The following CNTNAP5 variants were observed in gnomAD, a reference collection of about 807,000 sequenced individuals.
The protein encoded by CNTNAP5 is contactin-associated protein-like 5.
CNTNAP5 carries 72 observed loss-of-function variants against 150.2 expected under a neutral mutation model. The ratio of observed to expected loss-of-function variants is 0.48; its 90% CI spans 0.40 to 0.58. The LOEUF is 0.58. CNTNAP5 is among the 20% of genes least tolerant of loss of function. The probability of loss-of-function intolerance (pLI) is 0.00; values close to 1 mark genes in which losing one functional copy is unlikely to be tolerated. For synonymous variants in CNTNAP5, 672 were observed against 619.8 expected (o/e 1.08, Z -1.25); for missense variants, 1,636 against 1,626.2 (o/e 1.01, Z -0.10).
chr2:124,781,677 G>A lies in CNTNAP5; in HGVS notation c.2753-8225G>A, dbSNP rs556837227. ...CAACGTGGACACTGCATTCCCCGCC[G>A]CCATCTACACTGCACTGGAGCCCTG... On this transcript the variant is annotated intron_variant, in intron 17 of 23. Transcript: ENST00000682447. Among the ~76,000 whole-genome samples, 33 of 152,174 alleles carry A rather than the reference G, an allele frequency of 2.2e-4. 1 individual carries two copies. The highest frequency in any genetic ancestry group is 8.3e-4 in the South Asian group (4 of 4,814).
intron 10 of CNTNAP5, among the ~76,000 whole-genome samples, chr2:124,553,291 G>T (rs1016785693): frequency 2.0e-4 from 30 of 152,222 alleles, no homozygotes; most frequent in Admixed American, 1.8e-3. Context: ...ATCTCCTGAG[G>T]TCAGGAGTTC....
intron 7 of CNTNAP5, among the ~76,000 whole-genome samples, chr2:124,494,303 C>T (rs775182668): frequency 6.6e-6 from 1 of 152,018 alleles, no homozygotes; most frequent in African/African-American, 2.4e-5. Context: ...GGGTGGGGTG[C>T]ACCAGTGTAA....
rs1696620306 is a variant in CNTNAP5, at chr2:124,589,097, C to G, written c.1757-20704C>G. On this transcript the variant is annotated intron_variant, in intron 11 of 23. Transcript: ENST00000682447. ...GTACAGGTTAGTGGTTTGTAGCATACTCACCTGGCTGTGCAAGCCTTCTTC... is the reference window on the plus strand; with the variant it reads ...GTACAGGTTAGTGGTTTGTAGCATAGTCACCTGGCTGTGCAAGCCTTCTTC... 2.6e-5 allele frequency among the ~76,000 whole-genome samples: 4 copies of G among 152,136 alleles called. 1 individual carries two copies. The highest frequency in any genetic ancestry group is 9.7e-5 in the African/African-American group (4 of 41,428).
intron 1 of CNTNAP5, among the ~76,000 whole-genome samples, chr2:124,108,626 A>T (rs566631778): frequency 1.3e-5 from 2 of 152,318 alleles, no homozygotes; most frequent in South Asian, 4.1e-4. Context: ...TTAGAAGTAT[A>T]TGGGAAGCTT....
At chr2:124,881,269 C>T (rs17012123) in intron 21 of CNTNAP5, among the ~76,000 whole-genome samples, 14,239 of 151,918 alleles carry the variant, frequency 0.094, 2,129 homozygotes, top group African/African-American at 0.32. Context: ...CCTTTGGATA[C>T]GAAAGAGATA....
chr2:124,704,330 T>G (rs2105093462), intron 13 of CNTNAP5, among the ~76,000 whole-genome samples: 1 of 152,278 alleles, frequency 6.6e-6, no homozygotes, highest in East Asian at 1.9e-4. Flanking sequence ...CATTAACACC[T>G]AAGTGAAGTG....
chr2:124,156,641 A>C (rs1684555720), intron 1 of CNTNAP5, among the ~76,000 whole-genome samples: 1 of 152,016 alleles, frequency 6.6e-6, no homozygotes. Flanking sequence ...GACTACAAAC[A>C]TGCGCCACCA....
chr2:124,105,774 T>C (rs1249659072), intron 1 of CNTNAP5, among the ~76,000 whole-genome samples: 3 of 152,184 alleles, frequency 2.0e-5, no homozygotes, highest in South Asian at 4.1e-4. Flanking sequence ...TTCTGGCTTT[T>C]ATATTGATTT....
chr2:124,414,128 T>C (rs964439374), intron 3 of CNTNAP5, among the ~76,000 whole-genome samples: 1 of 151,610 alleles, frequency 6.6e-6, no homozygotes, highest in Non-Finnish European at 1.5e-5. Flanking sequence ...CCTTTTTTTT[T>C]TTTTTTTCTG....
chr2:124,459,931 C>T (rs1250875275), intron 6 of CNTNAP5, among the ~76,000 whole-genome samples: 4 of 152,198 alleles, frequency 2.6e-5, no homozygotes, highest in African/African-American at 4.8e-5. Context: ...CTGTCTGAAT[C>T]GAAATGACTC....
At chr2:124,649,717 T>C (rs1279807109) in intron 13 of CNTNAP5, among the ~76,000 whole-genome samples, 1 of 152,144 alleles carries the variant, frequency 6.6e-6, no homozygotes, top group Admixed American at 6.5e-5. Flanking sequence ...ATTTCTATAG[T>C]TTCGATTTCA....
chr2:124,804,114 T>C (rs1682031355), intron 19 of CNTNAP5, among the ~76,000 whole-genome samples: 1 of 152,238 alleles, frequency 6.6e-6, no homozygotes, highest in African/African-American at 2.4e-5. Flanking sequence ...GTTTTAGTTG[T>C]TTCATTCCCT....
chr2:124,689,924 G>A (rs1280145868), intron 13 of CNTNAP5, among the ~76,000 whole-genome samples: 1 of 151,990 alleles, frequency 6.6e-6, no homozygotes, highest in Non-Finnish European at 1.5e-5. Context: ...AAGGGAAAGG[G>A]GGTGTTCAGA....
At chr2:124,302,004 T>C (rs1688576561) in intron 3 of CNTNAP5, among the ~76,000 whole-genome samples, 1 of 152,208 alleles carries the variant, frequency 6.6e-6, no homozygotes, top group African/African-American at 2.4e-5. Flanking sequence ...AGGACTGATG[T>C]CTTTGTAAGA....
chr2:124,289,565 A>G (rs1368883066), intron 3 of CNTNAP5, among the ~76,000 whole-genome samples: 1 of 152,240 alleles, frequency 6.6e-6, no homozygotes, highest in East Asian at 1.9e-4. Context: ...GAAACGTAAT[A>G]AAATGAAATC....
chr2:124,356,711 A>G lies in CNTNAP5; in HGVS notation c.382-60732A>G, dbSNP rs1414061614. On this transcript the variant is annotated intron_variant, in intron 3 of 23. Transcript: ENST00000682447. ...TTTCTTAATCCAGCCTATCATTGTT[A>G]GACATTTGGGTTGGTTCCAAGTCTT... Among the ~76,000 whole-genome samples the G allele has an allele frequency of 3.9e-5, 6 of 151,942 alleles. No homozygotes were observed. In the South Asian group the frequency reaches 6.2e-4, roughly 16 times the overall value.
chr2:124,700,436 CT>C (rs35175687), intron 13 of CNTNAP5, among the ~76,000 whole-genome samples: 32,563 of 152,002 alleles, frequency 0.21, 3,610 homozygotes, highest in Non-Finnish European at 0.24. Context: ...AATCACCAAA[CT>C]TTTTTCCATA....
chr2:124,151,482 C>A (rs536059987), intron 1 of CNTNAP5, among the ~76,000 whole-genome samples: 49 of 152,284 alleles, frequency 3.2e-4, no homozygotes, highest in African/African-American at 1.2e-3. Context: ...CTGCCACTTA[C>A]CAGTTGTGTG....
chr2:124,179,304 C>A (rs1685152757), intron 1 of CNTNAP5, among the ~76,000 whole-genome samples: 1 of 152,096 alleles, frequency 6.6e-6, no homozygotes, highest in Admixed American at 6.5e-5. Flanking sequence ...GGATTACAGG[C>A]ATGTGCCACC....
Sources: allele counts gnomAD v4.1 joint callset (sites outside exome capture counted in the v4.1 genomes callset), GRCh38; gene constraint gnomAD v4.1.1; transcripts MANE v1.5; gene names NCBI Gene and HGNC (gene_info 2026-07-23, HGNC 2026-07-21).